The following KLHL2 variants were observed in gnomAD, a reference collection of about 807,000 sequenced individuals.
KLHL2 encodes kelch like family member 2.
A neutral mutation model predicts 75.8 loss-of-function variants in KLHL2; 15 were observed. The ratio of observed to expected loss-of-function variants is 0.20; its 90% confidence interval spans 0.13 to 0.30. KLHL2 has a LOEUF of 0.30. Ranked by LOEUF, KLHL2 falls within the 10% of genes least tolerant of loss-of-function variation. The pLI is 1.00. For synonymous variants in KLHL2, 214 were observed against 251.9 expected (o/e 0.85, Z 1.42); for missense variants, 381 against 741.0 (o/e 0.51, Z 5.64).
chr4:165,288,104 G>A (rs1325077211), intron 5 of KLHL2, among the ~76,000 whole-genome samples: 1 of 151,994 alleles, frequency 6.6e-6, no homozygotes, highest in Non-Finnish European at 1.5e-5. Flanking sequence ...TTTCCCCCCT[G>A]TGTTTACTTC....
rs897929575 is a variant in KLHL2, at chr4:165,217,252, A to G, written c.27-2682A>G. Among the ~76,000 whole-genome samples the G allele has an allele frequency of 9.2e-5, 14 of 152,304 alleles. No individual in the cohort carries two copies. In the East Asian group the frequency reaches 1.9e-3, roughly 21 times the overall value. Reference sequence around the variant, plus strand: ...TAGACATGCAGTGTTACATGGTTAGAAAGTTTGCATGGGTTGCATATATCT... The same window carrying G: ...TAGACATGCAGTGTTACATGGTTAGGAAGTTTGCATGGGTTGCATATATCT... On this transcript the variant is annotated intron_variant, in intron 1 of 14. Coordinates refer to ENST00000226725, the MANE Select transcript of KLHL2 (RefSeq NM_007246.4).
chr4:165,263,802 A>ATTT (rs1313576886), intron 5 of KLHL2, among the ~76,000 whole-genome samples: 7 of 93,530 alleles, frequency 7.5e-5, no homozygotes, highest in South Asian at 3.4e-4. Context: ...GATTTTTTAC[A>ATTT]TTGTTTTTTT....
At chr4:165,281,779 A>C (rs185706395) in intron 5 of KLHL2, among the ~76,000 whole-genome samples, 1 of 152,232 alleles carries the variant, frequency 6.6e-6, no homozygotes, top group Non-Finnish European at 1.5e-5. Flanking sequence ...TTCCACATAC[A>C]TATATGGAAG....
At position 165,247,863 on chromosome 4, in the gene KLHL2, C is replaced by G. The variant is rs1287899040; in HGVS notation, c.381+8964C>G. On this transcript the variant is annotated intron_variant, in intron 4 of 14. Coordinates refer to ENST00000226725, the MANE Select transcript of KLHL2 (RefSeq NM_007246.4). ...TCGAATTGTCAGGCCATATTGGGAGCTCATTTGAGATTCGCAGTCATAAAT... is the reference window on the plus strand; with the variant it reads ...TCGAATTGTCAGGCCATATTGGGAGGTCATTTGAGATTCGCAGTCATAAAT... 2.6e-5 allele frequency among the ~76,000 whole-genome samples: 4 copies of G among 152,264 alleles called. No individual in the cohort carries two copies. The East Asian group carries it at 7.7e-4, about 29-fold the overall frequency.
At chr4:165,232,587 G>A (rs1312172474) in intron 3 of KLHL2, among the ~76,000 whole-genome samples, 3 of 151,674 alleles carry the variant, frequency 2.0e-5, no homozygotes, top group Non-Finnish European at 4.4e-5. Flanking sequence ...TAAAAAAATT[G>A]ACTGAGCATG....
At chr4:165,263,093 A>C in intron 4 of KLHL2, 104 bp from the exon 5 acceptor site, 1 of 957,848 alleles carries the variant, frequency 1.0e-6, no homozygotes, top group Non-Finnish European at 1.6e-6. Context: ...GTATGGACGC[A>C]GATAATAAAC....
intron 5 of KLHL2, among the ~76,000 whole-genome samples, chr4:165,283,364 A>C (rs991858833): frequency 7.9e-5 from 12 of 152,370 alleles, no homozygotes; most frequent in African/African-American, 2.6e-4. Flanking sequence ...AATCAAAGGC[A>C]AGTTAGTTAC....
chr4:165,208,025 G>T (rs1736947440), intron 1 of KLHL2, 123 bp downstream of exon 1: 1 of 548,120 alleles, frequency 1.8e-6, no homozygotes, highest in Non-Finnish European at 2.6e-6. Context: ...GGAGATGCGG[G>T]GCGTGACGAG....
intron 1 of KLHL2, among the ~76,000 whole-genome samples, chr4:165,218,030 G>T (rs28535933): frequency 1.0e-3 from 152 of 152,170 alleles, no homozygotes; most frequent in African/African-American, 3.5e-3. Context: ...AACAGATCTC[G>T]TTGGCTGTAT....
chr4:165,273,920 G>A (rs1469400097), intron 5 of KLHL2, among the ~76,000 whole-genome samples: 3 of 152,100 alleles, frequency 2.0e-5, no homozygotes, highest in Non-Finnish European at 2.9e-5. Context: ...ACAAATAATT[G>A]TTGTTTAGGT....
chr4:165,321,824 CT>C (rs1747005420), intron 14 of KLHL2, among the ~76,000 whole-genome samples: 1 of 152,042 alleles, frequency 6.6e-6, no homozygotes, highest in Non-Finnish European at 1.5e-5. Context: ...ATTAAATAGT[CT>C]TATATTTAAC....
intron 3 of KLHL2, among the ~76,000 whole-genome samples, chr4:165,230,920 T>C (rs1738832262): frequency 6.6e-6 from 1 of 152,266 alleles, no homozygotes; most frequent in Admixed American, 6.5e-5. Flanking sequence ...GAAGACATTC[T>C]GATTTTCTAA....
rs762965746 is a variant in KLHL2 at position 165,209,996 on chromosome 4, A to T, written c.26+2094A>T. 7.0e-5 allele frequency: 104 copies of T among 1,495,584 alleles called. 1 individual carries two copies. Among genetic ancestry groups the T allele is most frequent in the Non-Finnish European group, 8.9e-5 (100 of 1,121,080 alleles). 92.6% of individuals were successfully genotyped at this position (1,495,584 alleles called of 1,614,324 possible). A position where few individuals can be genotyped will look rare whatever the true frequency, so the allele number is the denominator to read the frequency against. On this transcript the variant is annotated intron_variant, in intron 1 of 14. Transcript: ENST00000226725. ...TTTGAGACTTGCAGGCAGTGTCTTT[A>T]GGAAGGAACTTTACCGGGCCTCACT...
At chr4:165,238,989 C>G in intron 4 of KLHL2, 90 bp downstream of exon 4, 1 of 1,484,664 alleles carries the variant, frequency 6.7e-7, no homozygotes. Flanking sequence ...CAATTTGCAC[C>G]AAAATAATAG....
At chr4:165,312,849 T>C (rs959390766) in intron 11 of KLHL2, among the ~76,000 whole-genome samples, 1 of 152,234 alleles carries the variant, frequency 6.6e-6, no homozygotes, top group African/African-American at 2.4e-5. Context: ...TAATATTGCA[T>C]TGCATTCTGT....
At chr4:165,238,701 G>A (rs917635954) in intron 3 of KLHL2, 77 bp from the exon 4 acceptor site, 1 of 1,593,502 alleles carries the variant, frequency 6.3e-7, no homozygotes, top group African/African-American at 1.4e-5. Flanking sequence ...GCAAGAAGAT[G>A]TATCAATCTA....
At chr4:165,307,126 G>C (rs909336467) in intron 9 of KLHL2, among the ~76,000 whole-genome samples, 1 of 152,162 alleles carries the variant, frequency 6.6e-6, no homozygotes, top group Non-Finnish European at 1.5e-5. Context: ...TGGCCAACAT[G>C]ATGAAACCCC....
chr4:165,243,671 G>T (rs1353124819), intron 4 of KLHL2, among the ~76,000 whole-genome samples: 1 of 152,234 alleles, frequency 6.6e-6, no homozygotes, highest in East Asian at 1.9e-4. Context: ...ATTCAACATA[G>T]TGTGTCCATT....
At chr4:165,272,778 C>G (rs1469445194) in intron 5 of KLHL2, among the ~76,000 whole-genome samples, 2 of 152,010 alleles carry the variant, frequency 1.3e-5, no homozygotes, top group Non-Finnish European at 2.9e-5. Context: ...TAAATTTATT[C>G]TAGTATACTA....
Sources: allele counts gnomAD v4.1 joint callset (sites outside exome capture counted in the v4.1 genomes callset), GRCh38; gene constraint gnomAD v4.1.1; transcripts MANE v1.5; gene names NCBI Gene and HGNC (gene_info 2026-07-23, HGNC 2026-07-21).